LEMD2: variants seen among roughly 807,000 people sequenced by gnomAD.
The protein encoded by LEMD2 is LEM domain nuclear envelope protein 2, also known as LEM domain-containing protein 2.
Under a neutral mutation model 58.8 loss-of-function variants are expected in LEMD2, and 34 were observed. The ratio of observed to expected loss-of-function variants is 0.58; its 90% CI spans 0.44 to 0.77. LEMD2 has a LOEUF of 0.77. Ranked by LOEUF, LEMD2 falls within the 30% of genes least tolerant of loss-of-function variation. LEMD2 has a pLI of 0.00. For missense variants in LEMD2, 629 were observed against 717.9 expected (o/e 0.88, Z 1.42); for synonymous variants, 298 against 308.9 (o/e 0.96, Z 0.37).
chr6:33,771,382 G>C lies in LEMD2; in HGVS notation c.*1246C>G, dbSNP rs1001115337. 3.3e-5 allele frequency: 5 copies of C among 152,388 alleles called. No homozygotes were observed. The highest frequency in any genetic ancestry group is 4.4e-5 in the Non-Finnish European group (3 of 68,062). The allele number at this position is 152,388 out of a possible 1,614,324, so 9.4% of individuals were successfully genotyped here. On this transcript the variant is annotated 3_prime_UTR_variant, in exon 9 of 9. Coordinates refer to ENST00000293760, the MANE Select transcript of LEMD2 (RefSeq NM_181336.4). ...CGATCATCCAGACATCAGAGGAAAT[G>C]AGAGTATTGCTCAAATGAGGGAGAC...
chr6:33,788,956 GCCTCCTCCCGCAGCCGCT>G lies in LEMD2; in HGVS notation c.143_160del (p.Glu48_Glu53del). On this transcript the variant is annotated inframe_deletion, in exon 1 of 9. Coordinates refer to ENST00000293760, the MANE Select transcript of LEMD2 (RefSeq NM_181336.4). ...TAACCGCTCCTCGCCCCGCGGCCGGGCCTCCTCCCGCAGCCGCTCCTCGTCGCGCAGCCGGGCCTCGCC... is the reference window on the plus strand; with the variant it reads ...TAACCGCTCCTCGCCCCGCGGCCGGGCCTCGTCGCGCAGCCGGGCCTCGCC... 6.6e-7 allele frequency: 1 copy of G among 1,523,038 alleles called. No individual in the cohort carries two copies. Among genetic ancestry groups the G allele is most frequent in the Admixed American group, 2.1e-5 (1 of 48,394 alleles). The allele number at this position is 1,523,038 out of a possible 1,614,324, so 94.3% of individuals were successfully genotyped here.
intron 8 of LEMD2, among the ~76,000 whole-genome samples, chr6:33,773,344 C>A (rs1413660749): frequency 6.6e-6 from 1 of 152,084 alleles, no homozygotes; most frequent in Non-Finnish European, 1.5e-5. Context: ...GGCCTTGCAC[C>A]CCCCTGGACA....
rs1767490296 is a variant in LEMD2, at chr6:33,778,519, G to A, written c.1011-132C>T. Reference sequence around the variant, plus strand: ...TCTACTTGCTTATAGAATAGGCTTGGTATCCTGGCTGCATTCTTTCCAGAA... The same window carrying A: ...TCTACTTGCTTATAGAATAGGCTTGATATCCTGGCTGCATTCTTTCCAGAA... On this transcript the variant is annotated intron_variant, in intron 5 of 8. Transcript: ENST00000293760. The surrounding 1 kb of genome is among the most constrained non-coding windows in gnomAD (Gnocchi z 4.7). 1 of 611,968 alleles carries A rather than the reference G, an allele frequency of 1.6e-6. No individual in the cohort carries two copies. Among genetic ancestry groups the A allele is most frequent in the Non-Finnish European group, 2.6e-6 (1 of 385,370 alleles). 37.9% of individuals were successfully genotyped at this position (611,968 alleles called of 1,614,324 possible).
At chr6:33,783,114 T>C (rs1326756082) in intron 3 of LEMD2, among the ~76,000 whole-genome samples, 1 of 152,182 alleles carries the variant, frequency 6.6e-6, no homozygotes, top group African/African-American at 2.4e-5. Flanking sequence ...GATTCTGAAT[T>C]TCTAGTGAGC....
chr6:33,775,169 C>G (rs1767400497), intron 8 of LEMD2, among the ~76,000 whole-genome samples: 1 of 152,202 alleles, frequency 6.6e-6, no homozygotes, highest in Non-Finnish European at 1.5e-5. Context: ...GGTAGAGGGC[C>G]TCACGCTGAA....
At chr6:33,773,301 G>A (rs1409424326) in intron 8 of LEMD2, among the ~76,000 whole-genome samples, 2 of 152,190 alleles carry the variant, frequency 1.3e-5, no homozygotes, top group Non-Finnish European at 2.9e-5. Flanking sequence ...GGCCCCTTCA[G>A]TGGCCAGAGT....
chr6:33,788,532 C>G lies in LEMD2; in HGVS notation c.585G>C (p.Ala195=). 1.3e-6 allele frequency: 2 copies of G among 1,507,506 alleles called. No individual in the cohort carries two copies. Among genetic ancestry groups the G allele is most frequent in the Non-Finnish European group, 1.8e-6 (2 of 1,128,408 alleles). The allele number at this position is 1,507,506 out of a possible 1,614,324, so 93.4% of individuals were successfully genotyped here. Residue 195 remains alanine (A), a synonymous_variant, in exon 1 of 9, where the codon GCG becomes GCC. Transcript: ENST00000293760. ...GCCCCACCTCAGGCCGGGCCCTCGC[C>G]GCGCCAGCAGGGCCCGCTCGAGTCG... The part of the protein sequence containing the change: ...LRATRAGPAG[A]ARARPEVGRR...
In LEMD2 at chr6:33,781,068, C is replaced by T; in HGVS notation, c.930+9G>A. 1 of 1,598,762 alleles carries T rather than the reference C, an allele frequency of 6.3e-7. No homozygotes were observed. The highest frequency in any genetic ancestry group is 8.6e-7 in the Non-Finnish European group (1 of 1,166,480). On this transcript the variant is annotated intron_variant, in intron 4 of 8. Coordinates refer to ENST00000293760, the MANE Select transcript of LEMD2 (RefSeq NM_181336.4). ...TCCCAGGAATGTATAAGCACTGAAG[C>T]CTACTTACGGCTATATATTCTTGGG... is the stretch of plus-strand genomic sequence containing the variant.
At chr6:33,775,583 G>A (rs1767411727) in intron 8 of LEMD2, among the ~76,000 whole-genome samples, 1 of 152,184 alleles carries the variant, frequency 6.6e-6, no homozygotes, top group East Asian at 1.9e-4. Context: ...CCAAAATGCT[G>A]GGATTACAGG....
chr6:33,784,812 T>C (rs1767639811), intron 2 of LEMD2: 1 of 191,060 alleles, frequency 5.2e-6, no homozygotes, highest in African/African-American at 2.3e-5. Context: ...CTGTCGGAGT[T>C]TGCAGAGATG....
chr6:33,784,541 A>C, intron 2 of LEMD2, 114 bp from the exon 3 acceptor site: 3 of 692,212 alleles, frequency 4.3e-6, no homozygotes, highest in African/African-American at 1.8e-5. Flanking sequence ...GGAATATCTC[A>C]TACTTTTACA....
In LEMD2 at chr6:33,788,260, AAGAC is replaced by A. The variant is rs909553378; in HGVS notation, c.736+117_736+120del. 2.9e-6 allele frequency: 3 copies of A among 1,036,282 alleles called. No individual in the cohort carries two copies. The African/African-American group carries it at 5.0e-5, about 17-fold the overall frequency. The allele number at this position is 1,036,282 out of a possible 1,614,324, so 64.2% of individuals were successfully genotyped here. ...GGAAGAAGGCAGGCCTGGAAATGAGAAGACAGTCAGAGGCAGCTGACAAGGCCGG... is the reference window on the plus strand; with the variant it reads ...GGAAGAAGGCAGGCCTGGAAATGAGAAGTCAGAGGCAGCTGACAAGGCCGG... On this transcript the variant is annotated intron_variant, in intron 1 of 8. Coordinates refer to ENST00000293760, the MANE Select transcript of LEMD2 (RefSeq NM_181336.4).
Position 33,776,658 on chromosome 6 carries a change from G to C in LEMD2, c.1361+296C>G, listed in dbSNP as rs528715373. ...GAGATCCTTCACTACTTGTGCCCTGGGGGAGGGAGCTGCTATTACTTGGAG... is the reference window on the plus strand; with the variant it reads ...GAGATCCTTCACTACTTGTGCCCTGCGGGAGGGAGCTGCTATTACTTGGAG... On this transcript the variant is annotated intron_variant, in intron 8 of 8. Coordinates refer to ENST00000293760, the MANE Select transcript of LEMD2 (RefSeq NM_181336.4). 1.3e-4 allele frequency: 55 copies of C among 429,380 alleles called. 1 individual carries two copies. The highest frequency in any genetic ancestry group is 1.2e-3 in the South Asian group (52 of 42,096). 26.6% of individuals were successfully genotyped at this position (429,380 alleles called of 1,614,324 possible).
At chr6:33,780,220 C>T (rs372524734) in intron 4 of LEMD2, 41 bp from the exon 5 acceptor site, 51 of 1,506,900 alleles carry the variant, frequency 3.4e-5, no homozygotes, top group Admixed American at 9.7e-5. Flanking sequence ...GGCGTCTGGG[C>T]GGAGCAGCTG....
At position 33,788,707 on chromosome 6, in the gene LEMD2, C is replaced by T. The variant is rs1767745889; in HGVS notation, c.410G>A (p.Gly137Asp). ...GGCGTCCTCGTCCTCCTCGGAGCTG[C>T]CCCGGACCGAGGCGCGGCGCCTGAG... ...AQLRRRASVRGSSEEDEDART... is the reference protein window; with the variant it reads ...AQLRRRASVRDSSEEDEDART... The change falls in exon 1 of 9, where the codon GGC becomes GAC. Residue 137 changes from glycine to aspartate, a missense_variant. Gly to Asp is a moderately conservative substitution (Grantham distance 94, BLOSUM62 -1). This residue lies in a region of LEMD2 where 386 missense variants were observed against 381.1 expected (regional missense o/e 1.01). Transcript: ENST00000293760. 2.1e-6 allele frequency: 3 copies of T among 1,418,508 alleles called. No homozygotes were observed. The highest frequency in any genetic ancestry group is 2.8e-6 in the Non-Finnish European group (3 of 1,086,268). 87.9% of individuals were successfully genotyped at this position (1,418,508 alleles called of 1,614,324 possible).
rs1274910136 is a variant in LEMD2, at chr6:33,788,468, C to A, written c.649G>T (p.Ala217Ser). Residue 217 changes from alanine (A) to serine (S), a missense_variant, in exon 1 of 9, where the codon GCC (alanine) becomes TCC (serine). By Grantham distance (99) the Ala-to-Ser change is moderately conservative. Around this residue, in one of 2 missense-constraint regions of LEMD2, gnomAD observed 386 missense variants for 381.1 expected, o/e 1.01. Coordinates refer to ENST00000293760, the MANE Select transcript of LEMD2 (RefSeq NM_181336.4). Reference sequence around the variant, plus strand: ...AAGACGAGCAGTAGCCCTAGGCTGGCCCAGAGCAGAAGCCGAGAGAGCCAG... The same window carrying A: ...AAGACGAGCAGTAGCCCTAGGCTGGACCAGAGCAGAAGCCGAGAGAGCCAG... ...ERWLSRLLLW[A>S]SLGLLLVFLG... is the part of the protein sequence containing the mutation. 6.4e-7 allele frequency: 1 copy of A among 1,562,986 alleles called. No homozygotes were observed.
At chr6:33,787,243 G>C in intron 1 of LEMD2, 1 of 146,142 alleles carries the variant, frequency 6.8e-6, no homozygotes, top group Non-Finnish European at 1.4e-5. Flanking sequence ...TCTCAGCAGT[G>C]AGTACCAGTG....
At position 33,788,690 on chromosome 6, in the gene LEMD2, C is replaced by A; in HGVS notation, c.427G>T (p.Glu143Ter). ...ASVRGSSEED[E>*]DARTPDRATQ... is the part of the protein sequence containing the mutation. The stretch of plus-strand genomic sequence containing the variant: ...GCCCTGTCGGGCGTCCGGGCGTCCT[C>A]GTCCTCCTCGGAGCTGCCCCGGACC... Residue 143 changes from glutamate (E) to a stop codon, truncating the protein, a stop_gained, in exon 1 of 9, where the codon GAG becomes TAG. Transcript: ENST00000293760. LOFTEE classifies it high-confidence loss of function. 1.5e-6 allele frequency: 2 copies of A among 1,358,970 alleles called. No homozygotes were observed. The allele number at this position is 1,358,970 out of a possible 1,614,324, so 84.2% of individuals were successfully genotyped here. A position where few individuals can be genotyped will look rare whatever the true frequency, so the allele number is the denominator to read the frequency against.
At chr6:33,773,305 C>T (rs1309912662) in intron 8 of LEMD2, among the ~76,000 whole-genome samples, 1 of 152,198 alleles carries the variant, frequency 6.6e-6, no homozygotes, top group East Asian at 1.9e-4. Flanking sequence ...CCTTCAGTGG[C>T]CAGAGTCCCT....
Sources: allele counts gnomAD v4.1 joint callset (sites outside exome capture counted in the v4.1 genomes callset), GRCh38; gene constraint gnomAD v4.1.1; regional missense constraint gnomAD v4.1.1; non-coding constraint Gnocchi (gnomAD v3.1); transcripts MANE v1.5; gene names NCBI Gene and HGNC (gene_info 2026-07-23, HGNC 2026-07-21).